Variants in FUT9 observed in about 807,000 individuals in gnomAD.
The protein encoded by FUT9 is 4-galactosyl-N-acetylglucosaminide 3-alpha-L-fucosyltransferase 9.
Under a neutral mutation model 29.7 loss-of-function variants are expected in FUT9, and 15 were observed. The ratio of observed to expected loss-of-function variants is 0.51; its 90% CI spans 0.34 to 0.78. FUT9 has a LOEUF of 0.78. FUT9 is among the 30% of genes least tolerant of loss of function. The pLI, the probability that FUT9 is intolerant of heterozygous loss-of-function variation, is 0.01. For synonymous variants in FUT9, 169 were observed against 153.7 expected (o/e 1.10, Z -0.74); for missense variants, 319 against 425.4 (o/e 0.75, Z 2.20).
At chr6:96,180,934 A>AT (rs1773295090) in intron 2 of FUT9, among the ~76,000 whole-genome samples, 4 of 25,320 alleles carry the variant, frequency 1.6e-4, no homozygotes, top group African/African-American at 1.9e-4. Flanking sequence ...GTTAAGTAAA[A>AT]GAAAAAAAAA....
rs186391937 is a variant in FUT9 at position 96,094,696 on chromosome 6, T to A, written c.-97-19343T>A. ...TTTTAATAAAGAAATAGCTTTTTTA[T>A]TGCTTAACCCAGCACTTCTAAAAAC... On this transcript the variant is annotated intron_variant, in intron 1 of 2. Transcript: ENST00000302103. Among the ~76,000 whole-genome samples the A allele has an allele frequency of 2.9e-3, 441 of 152,266 alleles. 1 individual carries two copies. Among genetic ancestry groups the A allele is most frequent in the African/African-American group, 9.9e-3 (412 of 41,566 alleles).
At chr6:96,152,419 G>A (rs1306653123) in intron 2 of FUT9, among the ~76,000 whole-genome samples, 1 of 152,162 alleles carries the variant, frequency 6.6e-6, no homozygotes, top group Admixed American at 6.5e-5. Context: ...TTATGTCACT[G>A]CCTATCTCTT....
At chr6:96,170,014 T>G (rs957684131) in intron 2 of FUT9, among the ~76,000 whole-genome samples, 1 of 152,134 alleles carries the variant, frequency 6.6e-6, no homozygotes, top group African/African-American at 2.4e-5. Flanking sequence ...CAAATAGGAC[T>G]CATTTGCAGT....
At chr6:96,152,668 T>C (rs1274799529) in intron 2 of FUT9, among the ~76,000 whole-genome samples, 1 of 152,232 alleles carries the variant, frequency 6.6e-6, no homozygotes, top group African/African-American at 2.4e-5. Context: ...CTTAAGTGCC[T>C]GTCTACTTAG....
chr6:96,122,457 A>G (rs569765667), intron 2 of FUT9, among the ~76,000 whole-genome samples: 3 of 152,272 alleles, frequency 2.0e-5, no homozygotes, highest in African/African-American at 7.2e-5. Flanking sequence ...TCAGAATCCA[A>G]CCACCACAGA....
chr6:96,168,407 G>C (rs1486279161), intron 2 of FUT9, among the ~76,000 whole-genome samples: 1 of 152,190 alleles, frequency 6.6e-6, no homozygotes, highest in Non-Finnish European at 1.5e-5. Context: ...ACCAAGAACG[G>C]AGCAGAGAAA....
At position 96,172,290 on chromosome 6, in the gene FUT9, C is replaced by T. The variant is rs191017085; in HGVS notation, c.-8-30858C>T. Among the ~76,000 whole-genome samples, 20 of 152,288 alleles carry T rather than the reference C, an allele frequency of 1.3e-4. 1 individual carries two copies. The East Asian group carries it at 2.9e-3, about 22-fold the overall frequency. Reference sequence around the variant, plus strand: ...TAAATTTGGGAGAGCGGGACACAAACATTCAGTCCATTGTAATCTGCGTGA... The same window carrying T: ...TAAATTTGGGAGAGCGGGACACAAATATTCAGTCCATTGTAATCTGCGTGA... On this transcript the variant is annotated intron_variant, in intron 2 of 2. Coordinates refer to ENST00000302103, the MANE Select transcript of FUT9 (RefSeq NM_006581.4).
At chr6:96,034,311 C>T (rs970974811) in intron 1 of FUT9, among the ~76,000 whole-genome samples, 14 of 151,408 alleles carry the variant, frequency 9.2e-5, no homozygotes, top group African/African-American at 3.4e-4. Context: ...AGATAATTGC[C>T]TATGAGGTTA....
At chr6:96,078,923 C>T (rs1771188993) in intron 1 of FUT9, among the ~76,000 whole-genome samples, 1 of 152,028 alleles carries the variant, frequency 6.6e-6, no homozygotes, top group South Asian at 2.1e-4. Context: ...TTGCCCCTGC[C>T]GCCAACCATT....
chr6:96,084,761 A>G (rs1161250448), intron 1 of FUT9, among the ~76,000 whole-genome samples: 4 of 152,132 alleles, frequency 2.6e-5, no homozygotes, highest in Non-Finnish European at 5.9e-5. Flanking sequence ...TTAGCACACT[A>G]TGGTCTTCAG....
At position 96,211,980 on chromosome 6, in the gene FUT9, T is replaced by C. The variant is rs1773945708; in HGVS notation, c.*7745T>C. 2 of 410,222 alleles carry C rather than the reference T, an allele frequency of 4.9e-6. No homozygotes were observed. The highest frequency in any genetic ancestry group is 8.9e-6 in the Non-Finnish European group (2 of 224,302). The allele number at this position is 410,222 out of a possible 1,614,324, so 25.4% of individuals were successfully genotyped here. ...GGAATTTTATTGTGGAAAACAAATA[T>C]AGATTTTATCTGAAAAATTTTAAGG... On this transcript the variant is annotated 3_prime_UTR_variant, in exon 3 of 3. Transcript: ENST00000302103.
chr6:96,026,590 A>G (rs1770172828), intron 1 of FUT9, among the ~76,000 whole-genome samples: 1 of 151,360 alleles, frequency 6.6e-6, no homozygotes. Flanking sequence ...TCCCATGGCC[A>G]TAATATTTCT....
chr6:96,053,540 C>G (rs2127939642), intron 1 of FUT9, among the ~76,000 whole-genome samples: 1 of 152,132 alleles, frequency 6.6e-6, no homozygotes, highest in East Asian at 1.9e-4. Context: ...AAACCCGTCT[C>G]TACTAAAAAT....
At chr6:96,063,640 T>C (rs1770914002) in intron 1 of FUT9, among the ~76,000 whole-genome samples, 1 of 152,166 alleles carries the variant, frequency 6.6e-6, no homozygotes. Context: ...ATGTAAATAT[T>C]TAATAACTTA....
intron 2 of FUT9, among the ~76,000 whole-genome samples, chr6:96,162,795 A>C (rs1024919634): frequency 6.6e-6 from 1 of 152,178 alleles, no homozygotes; most frequent in Non-Finnish European, 1.5e-5. Flanking sequence ...TTTGCGTTGT[A>C]ATTCACTGCT....
At chr6:96,084,434 A>G in intron 1 of FUT9, among the ~76,000 whole-genome samples, 1 of 152,112 alleles carries the variant, frequency 6.6e-6, no homozygotes, top group East Asian at 1.9e-4. Context: ...ACTCTTGTCA[A>G]TTACAAATAT....
chr6:96,073,231 A>G (rs1329445036), intron 1 of FUT9, among the ~76,000 whole-genome samples: 1 of 152,118 alleles, frequency 6.6e-6, no homozygotes, highest in Non-Finnish European at 1.5e-5. Flanking sequence ...CAGGTGGATC[A>G]CAAGGTCAGG....
At chr6:96,132,098 C>A (rs908889635) in intron 2 of FUT9, among the ~76,000 whole-genome samples, 1 of 151,980 alleles carries the variant, frequency 6.6e-6, no homozygotes, top group African/African-American at 2.4e-5. Flanking sequence ...CCACGTTACC[C>A]ATGATACATT....
intron 1 of FUT9, among the ~76,000 whole-genome samples, chr6:96,095,203 G>A (rs1255210516): frequency 2.0e-5 from 3 of 152,052 alleles, no homozygotes; most frequent in African/African-American, 7.2e-5. Flanking sequence ...TAATGTGAAT[G>A]ATCCCTCACC....
Sources: gnomAD v4.1 joint callset for allele counts (sites outside exome capture counted in the v4.1 genomes callset) on GRCh38, gnomAD v4.1.1 for gene constraint, MANE v1.5 for transcripts, NCBI Gene and HGNC (gene_info 2026-07-23, HGNC 2026-07-21) for gene names.